The following AAMDC variants were observed in gnomAD, a reference collection of about 807,000 sequenced individuals.
The protein encoded by AAMDC is adipogenesis associated Mth938 domain containing.
In AAMDC, 16 loss-of-function variants were observed where a neutral mutation model predicts 15.5. That is an observed-to-expected ratio of 1.03 (90% CI 0.70 to 1.57). AAMDC has a LOEUF of 1.57. Among genes scored for constraint, AAMDC ranks in the 40% most tolerant of loss-of-function variants. The pLI, the probability that AAMDC is intolerant of heterozygous loss-of-function variation, is 0.00. For missense variants in AAMDC, 141 were observed against 144.9 expected (o/e 0.97, Z 0.14); for synonymous variants, 51 against 51.6 (o/e 0.99, Z 0.05).
chr11:77,835,145 C>T (rs1442728273), intron 1 of AAMDC, among the ~76,000 whole-genome samples: 2 of 152,134 alleles, frequency 1.3e-5, no homozygotes, highest in Non-Finnish European at 2.9e-5. Context: ...TGAGTGTGAC[C>T]ACATGACTGT....
chr11:77,870,814 A>G (rs1247092840), intron 3 of AAMDC, among the ~76,000 whole-genome samples: 2 of 152,158 alleles, frequency 1.3e-5, no homozygotes. Context: ...ACACATATAG[A>G]TATACGTTTA....
At chr11:77,885,511 A>AT (rs910449229) in intron 5 of AAMDC, among the ~76,000 whole-genome samples, 13 of 150,780 alleles carry the variant, frequency 8.6e-5, no homozygotes, top group Middle Eastern at 3.4e-3. Flanking sequence ...CTTGGGCTTC[A>AT]TTTTTTTTTA....
At chr11:77,870,467 G>C (rs1049209994) in intron 3 of AAMDC, among the ~76,000 whole-genome samples, 1 of 149,732 alleles carries the variant, frequency 6.7e-6, no homozygotes, top group Non-Finnish European at 1.5e-5. Context: ...CTCCCGAGTA[G>C]CTGGGACTAC....
chr11:77,881,581 T>A (rs1328715905), intron 5 of AAMDC, among the ~76,000 whole-genome samples: 1 of 152,214 alleles, frequency 6.6e-6, no homozygotes, highest in Non-Finnish European at 1.5e-5. Flanking sequence ...AGAATACTAA[T>A]TTCCACTGCA....
intron 2 of AAMDC, among the ~76,000 whole-genome samples, chr11:77,847,302 A>T (rs1448769545): frequency 6.6e-6 from 1 of 152,082 alleles, no homozygotes; most frequent in Non-Finnish European, 1.5e-5. Flanking sequence ...ATTTCAGAGG[A>T]TGTTTATTTT....
At chr11:77,864,603 C>G (rs945221773) in intron 2 of AAMDC, among the ~76,000 whole-genome samples, 2 of 152,116 alleles carry the variant, frequency 1.3e-5, no homozygotes, top group African/African-American at 4.8e-5. Context: ...CTGGAAGCAG[C>G]AACTATGAAA....
At chr11:77,847,857 C>T (rs1458029911) in intron 2 of AAMDC, among the ~76,000 whole-genome samples, 1 of 152,156 alleles carries the variant, frequency 6.6e-6, no homozygotes, top group East Asian at 1.9e-4. Context: ...CTGCTGTCTG[C>T]AAGTCTGAAG....
At chr11:77,879,220 G>A in intron 5 of AAMDC, 1 of 1,384,950 alleles carries the variant, frequency 7.2e-7, no homozygotes, top group Non-Finnish European at 9.9e-7. Flanking sequence ...AATGGAAGCA[G>A]TAGGGAGAAA....
chr11:77,872,218 ATG>A lies in AAMDC; in HGVS notation c.275_276del (p.Val92AlafsTer13), dbSNP rs1364735699. 3.7e-6 allele frequency: 6 copies of A among 1,613,776 alleles called. No individual in the cohort carries two copies. The Admixed American group carries it at 6.7e-5, about 18-fold the overall frequency. On this transcript the variant is annotated frameshift_variant, in exon 4 of 4. Coordinates refer to ENST00000393427, the MANE Select transcript of AAMDC (RefSeq NM_024684.4). LOFTEE classifies it high-confidence loss of function. The stretch of plus-strand genomic sequence containing the variant: ...GAGTACCTCAAGAAACATGGCATTG[ATG>A]TGCGGGTCCTCCAGACAGAGCAGGC...
At chr11:77,895,709 C>T (rs1403769991) in intron 5 of AAMDC, among the ~76,000 whole-genome samples, 1 of 151,932 alleles carries the variant, frequency 6.6e-6, no homozygotes, top group African/African-American at 2.4e-5. Flanking sequence ...TTTGGCCAAG[C>T]AGTGACATTT....
chr11:77,847,130 G>A (rs536621928), intron 2 of AAMDC, among the ~76,000 whole-genome samples: 9 of 152,182 alleles, frequency 5.9e-5, no homozygotes, highest in Non-Finnish European at 7.4e-5. Context: ...ATTTGCCCAC[G>A]GGTGGAATTT....
chr11:77,829,869 T>C (rs1949341799), intron 1 of AAMDC: 1 of 152,250 alleles, frequency 6.6e-6, no homozygotes, highest in South Asian at 2.1e-4. Context: ...CAGTTGTTCA[T>C]GCTTGTAATC....
chr11:77,845,455 G>A (rs1950106544), intron 2 of AAMDC, among the ~76,000 whole-genome samples: 1 of 151,514 alleles, frequency 6.6e-6, no homozygotes, highest in Non-Finnish European at 1.5e-5. Context: ...GGGGGGGATA[G>A]ACTATTGCTC....
intron 2 of AAMDC, among the ~76,000 whole-genome samples, chr11:77,862,825 A>G (rs952234217): frequency 6.6e-6 from 1 of 152,148 alleles, no homozygotes; most frequent in African/African-American, 2.4e-5. Context: ...CTTGAAGAGG[A>G]TATCATGGCC....
chr11:77,880,877 T>A (rs894552758), intron 5 of AAMDC, among the ~76,000 whole-genome samples: 3 of 151,996 alleles, frequency 2.0e-5, no homozygotes, highest in Non-Finnish European at 4.4e-5. Context: ...CCCGAGAGGA[T>A]CACACCACTG....
chr11:77,863,934 T>C (rs1228663384), intron 2 of AAMDC, among the ~76,000 whole-genome samples: 1 of 143,812 alleles, frequency 7.0e-6, no homozygotes, highest in Non-Finnish European at 1.5e-5. Flanking sequence ...AGATGATCCC[T>C]TTTTTTTTTG....
At chr11:77,838,567 T>C (rs1035772941) in intron 1 of AAMDC, among the ~76,000 whole-genome samples, 44 of 152,104 alleles carry the variant, frequency 2.9e-4, no homozygotes, top group African/African-American at 1.0e-3. Flanking sequence ...TCAATATTTA[T>C]AGTCATCTGC....
intron 5 of AAMDC, among the ~76,000 whole-genome samples, chr11:77,892,834 C>T (rs1790241): frequency 0.095 from 14,512 of 152,230 alleles, 946 homozygotes; most frequent in Non-Finnish European, 0.14. Flanking sequence ...CCACCCGCCT[C>T]AGCCTCCCAA....
intron 3 of AAMDC, 41 bp from the exon 4 acceptor site, chr11:77,872,134 G>A: frequency 6.3e-7 from 1 of 1,592,036 alleles, no homozygotes; most frequent in Non-Finnish European, 8.5e-7. Flanking sequence ...CCCCTGGGGG[G>A]CCTTTCCCCC....
Sources: allele counts gnomAD v4.1 joint callset (sites outside exome capture counted in the v4.1 genomes callset), GRCh38; gene constraint gnomAD v4.1.1; transcripts MANE v1.5; gene names NCBI Gene and HGNC (gene_info 2026-07-23, HGNC 2026-07-21).